Variants in TSGA10 observed in about 807,000 individuals in gnomAD.
The protein encoded by TSGA10 is testis specific 10, also known as testis-specific gene 10 protein.
Under a neutral mutation model 96.6 loss-of-function variants are expected in TSGA10, and 43 were observed. The ratio of observed to expected loss-of-function variants is 0.44; its 90% CI spans 0.35 to 0.57. The LOEUF is 0.57. Among genes scored for constraint, TSGA10 ranks in the 20% least tolerant of loss-of-function variants. TSGA10 has a pLI of 0.01. For synonymous variants in TSGA10, 229 were observed against 269.9 expected (o/e 0.85, Z 1.48); for missense variants, 703 against 834.4 (o/e 0.84, Z 1.94).
chr2:99,097,108 G>A (rs1279248997), intron 10 of TSGA10, among the ~76,000 whole-genome samples: 1 of 152,092 alleles, frequency 6.6e-6, no homozygotes, highest in Non-Finnish European at 1.5e-5. Context: ...ACTATCTGGA[G>A]GGAAGGAAAC....
chr2:99,019,004 C>T (rs2079778054), intron 18 of TSGA10, among the ~76,000 whole-genome samples: 4 of 152,050 alleles, frequency 2.6e-5, no homozygotes, highest in South Asian at 2.1e-4. Context: ...TAATTAACAC[C>T]GGAATTCACT....
chr2:99,038,070 GA>G (rs879799854), intron 16 of TSGA10, among the ~76,000 whole-genome samples: 73 of 137,704 alleles, frequency 5.3e-4, no homozygotes, highest in Middle Eastern at 7.2e-3. Flanking sequence ...CTTCAAAAAT[GA>G]AAAAAAAAAA....
At chr2:99,052,725 G>A (rs894544373) in intron 16 of TSGA10, among the ~76,000 whole-genome samples, 25 of 149,962 alleles carry the variant, frequency 1.7e-4, no homozygotes, top group African/African-American at 4.7e-4. Context: ...GTGACAGAGC[G>A]AGACTCCATC....
rs375655788 is a variant in TSGA10, at chr2:99,015,716, G to C, written c.2072+2484C>G. On this transcript the variant is annotated intron_variant, in intron 20 of 20. Transcript: ENST00000393483. ...TAGAGTCAAACTATCACTGTTCACT[G>C]ACGATATGATCATATACCTAGAAAA... 6.6e-5 allele frequency among the ~76,000 whole-genome samples: 10 copies of C among 152,204 alleles called. No individual in the cohort carries two copies. The South Asian group carries it at 1.2e-3, about 19-fold the overall frequency.
chr2:99,087,230 G>C (rs1312601035), intron 10 of TSGA10, among the ~76,000 whole-genome samples: 1 of 151,606 alleles, frequency 6.6e-6, no homozygotes, highest in Admixed American at 6.6e-5. Context: ...TTTTAGGCCA[G>C]GCACGGTAGC....
At chr2:99,126,925 A>AT in intron 2 of TSGA10, 123 bp downstream of exon 2, 1 of 918,170 alleles carries the variant, frequency 1.1e-6, no homozygotes, top group South Asian at 1.7e-5. Context: ...AAATTGAATG[A>AT]TTTTAGACCC....
chr2:99,064,831 A>T, intron 16 of TSGA10, 108 bp downstream of exon 16: 2 of 925,262 alleles, frequency 2.2e-6, no homozygotes, highest in Non-Finnish European at 3.1e-6. Flanking sequence ...TTCACAGTAC[A>T]TTTAAATAAT....
intron 10 of TSGA10, among the ~76,000 whole-genome samples, chr2:99,096,811 T>C (rs541471996): frequency 6.6e-6 from 1 of 152,344 alleles, no homozygotes; most frequent in South Asian, 2.1e-4. Context: ...GATTGGTCAC[T>C]GGTCATGATT....
chr2:99,094,324 C>G (rs909048021), intron 10 of TSGA10, among the ~76,000 whole-genome samples: 3 of 152,098 alleles, frequency 2.0e-5, no homozygotes, highest in Non-Finnish European at 4.4e-5. Flanking sequence ...TGAAAAAACC[C>G]TTCTAGACAT....
intron 12 of TSGA10, among the ~76,000 whole-genome samples, chr2:99,077,190 G>C (rs1436858415): frequency 7.7e-6 from 1 of 130,032 alleles, no homozygotes; most frequent in Non-Finnish European, 1.6e-5. Context: ...ATGCAGGCTG[G>C]AGTAGGATGG....
intron 4 of TSGA10, among the ~76,000 whole-genome samples, chr2:99,113,264 C>T (rs992601679): frequency 3.9e-5 from 6 of 152,070 alleles, no homozygotes; most frequent in Non-Finnish European, 8.8e-5. Context: ...TAGTGACTCA[C>T]TTTTAAAGAT....
intron 5 of TSGA10, among the ~76,000 whole-genome samples, chr2:99,110,217 T>G (rs899195061): frequency 1.3e-5 from 2 of 152,214 alleles, no homozygotes; most frequent in Non-Finnish European, 2.9e-5. Flanking sequence ...GCATCTAAGT[T>G]TTGTCCAATA....
At chr2:99,023,438 ATTTTT>A (rs920170375) in intron 17 of TSGA10, among the ~76,000 whole-genome samples, 1 of 151,188 alleles carries the variant, frequency 6.6e-6, no homozygotes, top group African/African-American at 2.4e-5. Flanking sequence ...TACTTAATCT[ATTTTT>A]TTTGTTTGTG....
chr2:98,999,082 G>C (rs2077672646), intron 20 of TSGA10, among the ~76,000 whole-genome samples: 1 of 152,018 alleles, frequency 6.6e-6, no homozygotes, highest in African/African-American at 2.4e-5. Flanking sequence ...TTTTAGTAGA[G>C]ATGGGGTTTT....
intron 10 of TSGA10, among the ~76,000 whole-genome samples, chr2:99,099,786 A>C (rs2090487115): frequency 6.6e-6 from 1 of 152,240 alleles, no homozygotes; most frequent in Admixed American, 6.5e-5. Context: ...ATACTTGCAG[A>C]TAACATGATT....
chr2:99,089,306 G>A (rs2088976600), intron 10 of TSGA10, among the ~76,000 whole-genome samples: 1 of 152,222 alleles, frequency 6.6e-6, no homozygotes. Flanking sequence ...GGTCCTTGGG[G>A]AGGGCTGCCA....
intron 6 of TSGA10, among the ~76,000 whole-genome samples, 197 bp downstream of exon 6, chr2:99,109,192 G>C (rs1360378567): frequency 1.3e-5 from 2 of 152,128 alleles, no homozygotes; most frequent in Non-Finnish European, 2.9e-5. Context: ...TACCTCCCAA[G>C]TGCTAATTAT....
chr2:99,130,552 A>G (rs1000561811), intron 1 of TSGA10, among the ~76,000 whole-genome samples: 1 of 152,116 alleles, frequency 6.6e-6, no homozygotes, highest in Non-Finnish European at 1.5e-5. Flanking sequence ...TAGATTGCAA[A>G]TATTTTCTCC....
At chr2:99,016,382 A>C (rs529826254) in intron 20 of TSGA10, among the ~76,000 whole-genome samples, 2 of 152,310 alleles carry the variant, frequency 1.3e-5, no homozygotes, top group African/African-American at 4.8e-5. Flanking sequence ...GCAAACAAAA[A>C]CATAAAGTGG....
Sources: gnomAD v4.1 joint callset for allele counts (sites outside exome capture counted in the v4.1 genomes callset) on GRCh38, gnomAD v4.1.1 for gene constraint, MANE v1.5 for transcripts, NCBI Gene and HGNC (gene_info 2026-07-23, HGNC 2026-07-21) for gene names.